Variants in PLEKHM2 observed in about 807,000 individuals in gnomAD.
PLEKHM2 encodes pleckstrin homology domain-containing family M member 2.
PLEKHM2 carries 77 observed loss-of-function variants against 116.3 expected under a neutral mutation model. The observed-to-expected ratio is 0.66, with a 90% CI of 0.55 to 0.80. The LOEUF (loss-of-function observed/expected upper bound fraction) is 0.80, where lower values mean the gene tolerates loss of function less well. Among genes scored for constraint, PLEKHM2 ranks in the 30% least tolerant of loss-of-function variants. PLEKHM2 has a pLI of 0.00. For missense variants in PLEKHM2, 1,183 were observed against 1,354.9 expected, an observed-to-expected ratio of 0.87 and a Z score of 1.99; for synonymous variants, 562 against 571.0, an observed-to-expected ratio of 0.98 and a Z score of 0.22.
chr1:15,714,336 A>G (rs1311696613), intron 1 of PLEKHM2, among the ~76,000 whole-genome samples: 1 of 143,110 alleles, frequency 7.0e-6, no homozygotes, highest in Non-Finnish European at 1.5e-5. Flanking sequence ...AGATTTACTC[A>G]GATTTTGAAA....
At chr1:15,687,126 A>G (rs1044461391) in intron 1 of PLEKHM2, among the ~76,000 whole-genome samples, 3 of 151,134 alleles carry the variant, frequency 2.0e-5, no homozygotes, top group Non-Finnish European at 4.4e-5. Context: ...TTTCGCCCAT[A>G]TTGGTCAGGC....
In PLEKHM2 at chr1:15,728,859, T is replaced by C. The variant is rs954150879; in HGVS notation, c.1986+126T>C. On this transcript the variant is annotated intron_variant, in intron 12 of 19. Coordinates refer to ENST00000375799, the MANE Select transcript of PLEKHM2 (RefSeq NM_015164.4). The surrounding 1 kb of genome is among the most constrained non-coding windows in gnomAD (Gnocchi z 5.9). ...TCCCGGGGTTGGGCACCAACTTAAC[T>C]CTCAGAGAGGCTTCTGTACACGATG... 5.4e-5 allele frequency: 49 copies of C among 911,564 alleles called. No homozygotes were observed. In the Admixed American group the frequency reaches 6.2e-4, roughly 12 times the overall value. 56.5% of individuals were successfully genotyped at this position (911,564 alleles called of 1,614,324 possible).
Position 15,716,334 on chromosome 1 carries a change from T to A in PLEKHM2, c.158T>A (p.Leu53Gln). ...QRLCEHLDHA[L>Q]LYGLQDLSSG... ...CTGTGTGAGCACCTGGACCACGCCC[T>A]GCTGTACGGGTAAGGTGGAGGAAGT... The change falls in exon 2 of 20, where the codon CTG becomes CAG. Residue 53 changes from leucine (L) to glutamine (Q), a missense_variant. This residue lies in a region of PLEKHM2 where 217 missense variants were observed against 277.6 expected (regional missense o/e 0.78). Transcript: ENST00000375799. 1 of 1,591,862 alleles carries A rather than the reference T, an allele frequency of 6.3e-7. No homozygotes were observed. The highest frequency in any genetic ancestry group is 8.6e-7 in the Non-Finnish European group (1 of 1,166,522).
chr1:15,706,310 C>T (rs1209683294), intron 1 of PLEKHM2, among the ~76,000 whole-genome samples: 1 of 152,178 alleles, frequency 6.6e-6, no homozygotes, highest in African/African-American at 2.4e-5. Flanking sequence ...CTCACTGTTG[C>T]CCCTGCTGTT....
chr1:15,707,815 T>C (rs115834412), intron 1 of PLEKHM2, among the ~76,000 whole-genome samples: 149 of 152,358 alleles, frequency 9.8e-4, no homozygotes, highest in Non-Finnish European at 6.2e-4. Flanking sequence ...CTGCTCTCCT[T>C]GGTCTGTCTT....
chr1:15,685,557 AAAAGAAAG>A (rs1553157087), intron 1 of PLEKHM2, among the ~76,000 whole-genome samples: 24 of 147,950 alleles, frequency 1.6e-4, no homozygotes, highest in African/African-American at 6.2e-4. Context: ...AAAAAAAAAA[AAAAGAAAG>A]AAAGAAAGAA....
chr1:15,728,182 C>G lies in PLEKHM2; in HGVS notation c.1830+34C>G. The G allele has an allele frequency of 6.2e-7, 1 of 1,605,364 alleles. No individual in the cohort carries two copies. The highest frequency in any genetic ancestry group is 8.5e-7 in the Non-Finnish European group (1 of 1,173,402). ...TAGGAACTCAGGAGTGAGCAAGAGACGGCAAGGGCAAGGCGGGATGGGCCA... is the reference window on the plus strand; with the variant it reads ...TAGGAACTCAGGAGTGAGCAAGAGAGGGCAAGGGCAAGGCGGGATGGGCCA... On this transcript the variant is annotated intron_variant, in intron 10 of 19. Transcript: ENST00000375799. This position sits in a 1 kb window ranked among gnomAD's most constrained non-coding sequence, Gnocchi z 5.9.
intron 3 of PLEKHM2, among the ~76,000 whole-genome samples, chr1:15,717,505 C>T (rs1056591132): frequency 2.6e-5 from 4 of 152,172 alleles, no homozygotes; most frequent in East Asian, 1.9e-4. Flanking sequence ...TTTTTTGGCA[C>T]AGCAGTGATG....
chr1:15,725,577 G>T, intron 8 of PLEKHM2, 32 bp downstream of exon 8: 1 of 1,458,914 alleles, frequency 6.9e-7, no homozygotes. Context: ...AAGGAGCTGA[G>T]GTCCTGGGGT....
upstream of PLEKHM2, among the ~76,000 whole-genome samples, chr1:15,682,461 A>AG (rs1207128616): frequency 6.6e-6 from 1 of 151,596 alleles, no homozygotes. Flanking sequence ...AAAAAAAAAA[A>AG]AAAAAATTAG....
At chr1:15,681,881 C>G (rs1216688510), upstream of PLEKHM2, among the ~76,000 whole-genome samples, 1 of 152,176 alleles carries the variant, frequency 6.6e-6, no homozygotes, top group Non-Finnish European at 1.5e-5. Flanking sequence ...AGGCTGTTAT[C>G]TCTTGCTTTC....
Position 15,728,427 on chromosome 1 carries a change from C to T in PLEKHM2, c.1921+70C>T, listed in dbSNP as rs2068095885. 2 of 1,410,670 alleles carry T rather than the reference C, an allele frequency of 1.4e-6. No homozygotes were observed. Among genetic ancestry groups the T allele is most frequent in the Non-Finnish European group, 2.0e-6 (2 of 1,018,676 alleles). 87.4% of individuals were successfully genotyped at this position (1,410,670 alleles called of 1,614,324 possible). A position where few individuals can be genotyped will look rare whatever the true frequency, so the allele number is the denominator to read the frequency against. ...ACTCTCAGCCCCTTTTCCCCAGTCC[C>T]CTTGCCCTCTGAGTGCCTCCCGGCT... On this transcript the variant is annotated intron_variant, in intron 11 of 19. Coordinates refer to ENST00000375799, the MANE Select transcript of PLEKHM2 (RefSeq NM_015164.4). The surrounding 1 kb of genome is among the most constrained non-coding windows in gnomAD (Gnocchi z 5.9).
Position 15,716,716 on chromosome 1 carries a change from C to A in PLEKHM2, c.177C>A (p.Asp59Glu), listed in dbSNP as rs1210798014. The change falls in exon 3 of 20, where the codon GAC becomes GAA. Residue 59 changes from aspartate (D) to glutamate (E), a missense_variant. Around this residue, in one of 3 missense-constraint regions of PLEKHM2, gnomAD observed 217 missense variants for 277.6 expected, o/e 0.78. Transcript: ENST00000375799. ...TGTCCTGTTTTCTCAGACTGCAAGA[C>A]CTCTCCTCTGGCTACTGGGTGCTCG... ...LDHALLYGLQ[D>E]LSSGYWVLVV... The A allele has an allele frequency of 1.2e-5, 19 of 1,567,916 alleles. No homozygotes were observed. Among genetic ancestry groups the A allele is most frequent in the African/African-American group, 1.4e-5 (1 of 73,758 alleles).
At chr1:15,731,338 C>A in intron 16 of PLEKHM2, 81 bp downstream of exon 16, 2 of 1,106,792 alleles carry the variant, frequency 1.8e-6, no homozygotes, top group Non-Finnish European at 2.7e-6. Context: ...CCCCTGTTGG[C>A]AGTTCAGCCT....
chr1:15,716,896 C>T, intron 3 of PLEKHM2, 80 bp downstream of exon 3: 2 of 1,523,942 alleles, frequency 1.3e-6, no homozygotes, highest in Non-Finnish European at 1.8e-6. Flanking sequence ...CCCAGGTTTA[C>T]CCTCAGGGTC....
chr1:15,686,136 C>T (rs1415269518), intron 1 of PLEKHM2, among the ~76,000 whole-genome samples: 1 of 152,188 alleles, frequency 6.6e-6, no homozygotes, highest in African/African-American at 2.4e-5. Flanking sequence ...GGCAGAGATT[C>T]ACTTTGTAAG....
intron 1 of PLEKHM2, among the ~76,000 whole-genome samples, chr1:15,691,587 C>T (rs1198324223): frequency 1.3e-5 from 2 of 152,170 alleles, no homozygotes; most frequent in Non-Finnish European, 2.9e-5. Context: ...TCACCGGCGT[C>T]GGCTCTGAGT....
chr1:15,692,679 C>T (rs1306210847), intron 1 of PLEKHM2, among the ~76,000 whole-genome samples: 1 of 152,136 alleles, frequency 6.6e-6, no homozygotes, highest in East Asian at 1.9e-4. Context: ...CTCAAGCCTT[C>T]CTCTCACTCC....
At chr1:15,698,541 C>CTTTTTTTTTTTTTTTTTTT (rs1249746368) in intron 1 of PLEKHM2, among the ~76,000 whole-genome samples, 1 of 139,032 alleles carries the variant, frequency 7.2e-6, no homozygotes, top group African/African-American at 2.9e-5. Flanking sequence ...TTCTTTCTTT[C>CTTTTTTTTTTTTTTTTTTT]TTTCTTTCTT....
Sources: allele counts gnomAD v4.1 joint callset (sites outside exome capture counted in the v4.1 genomes callset), GRCh38; gene constraint gnomAD v4.1.1; regional missense constraint gnomAD v4.1.1; non-coding constraint Gnocchi (gnomAD v3.1); transcripts MANE v1.5; gene names NCBI Gene and HGNC (gene_info 2026-07-23, HGNC 2026-07-21).